Variants in SLCO1A2 observed in about 807,000 individuals in gnomAD.
SLCO1A2 encodes OATP-1.
Under a neutral mutation model 69.0 loss-of-function variants are expected in SLCO1A2, and 67 were observed. That is an observed-to-expected ratio of 0.97 (90% CI 0.80 to 1.19). The LOEUF is 1.19. SLCO1A2 is among the 50% of genes most tolerant of loss of function. SLCO1A2 has a pLI of 0.00. For missense variants in SLCO1A2, 787 were observed against 793.7 expected (o/e 0.99, Z 0.10); for synonymous variants, 260 against 265.9 (o/e 0.98, Z 0.22).
Position 21,410,369 on chromosome 12 carries a change from T to C in SLCO1A2, c.-312+7513A>G, listed in dbSNP as rs538928181. 3.3e-5 allele frequency among the ~76,000 whole-genome samples: 5 copies of C among 152,328 alleles called. No homozygotes were observed. The South Asian group carries it at 8.3e-4, about 25-fold the overall frequency. ...TTTATATATAGAGAGATCGAGGCTA[T>C]ATATAACTTGAGGGAACATTTTTCT... is the stretch of plus-strand genomic sequence containing the variant. On this transcript the variant is annotated intron_variant, in intron 1 of 4. Coordinates refer to the SLCO1A2 transcript ENST00000413682.
At position 21,361,274 on chromosome 12, in the gene SLCO1A2, G is replaced by A. The variant is rs184569621; in HGVS notation, c.-63+13125C>T. 3.5e-3 allele frequency among the ~76,000 whole-genome samples: 526 copies of A among 152,272 alleles called. 4 individuals carry two copies. Among genetic ancestry groups the A allele is most frequent in the African/African-American group, 0.012 (498 of 41,544 alleles). ...CCGCTGGTGATACCCAGGCAAACAGGGTCTGGAGTGGACCTCCAGCAAACT... is the reference window on the plus strand; with the variant it reads ...CCGCTGGTGATACCCAGGCAAACAGAGTCTGGAGTGGACCTCCAGCAAACT... On this transcript the variant is annotated intron_variant, in intron 2 of 15. Coordinates refer to the SLCO1A2 transcript ENST00000307378.
Position 21,269,470 on chromosome 12 carries a change from A to G in SLCO1A2, c.*78T>C. ...TAAAGACAAGAAAAAGTTATCTATTATATCTCTACTGATTTTTAAAACAAT... is the reference window on the plus strand; with the variant it reads ...TAAAGACAAGAAAAAGTTATCTATTGTATCTCTACTGATTTTTAAAACAAT... On this transcript the variant is annotated 3_prime_UTR_variant, in exon 15 of 15. Coordinates refer to ENST00000683939, the MANE Select transcript of SLCO1A2 (RefSeq NM_001386879.1). 9.4e-7 allele frequency: 1 copy of G among 1,060,362 alleles called. No homozygotes were observed. Among genetic ancestry groups the G allele is most frequent in the African/African-American group, 1.6e-5 (1 of 62,094 alleles). The allele number at this position is 1,060,362 out of a possible 1,614,324, so 65.7% of individuals were successfully genotyped here.
chr12:21,415,700 A>T (rs1043142838), intron 1 of SLCO1A2, among the ~76,000 whole-genome samples: 1 of 151,810 alleles, frequency 6.6e-6, no homozygotes, highest in Admixed American at 6.6e-5. Flanking sequence ...GGAAGTTTTT[A>T]TATTTTTTCT....
intron 12 of SLCO1A2, among the ~76,000 whole-genome samples, chr12:21,288,795 C>A (rs1330864071): frequency 6.6e-6 from 1 of 151,576 alleles, no homozygotes; most frequent in Non-Finnish European, 1.5e-5. Flanking sequence ...TATACACCTA[C>A]TATATACCCA....
At chr12:21,362,839 A>G (rs1421250685) in intron 2 of SLCO1A2, among the ~76,000 whole-genome samples, 1 of 152,238 alleles carries the variant, frequency 6.6e-6, no homozygotes, top group Non-Finnish European at 1.5e-5. Context: ...CAACAAGAAG[A>G]GCTAACTATC....
At chr12:21,361,747 T>G (rs949863270) in intron 2 of SLCO1A2, among the ~76,000 whole-genome samples, 8 of 152,134 alleles carry the variant, frequency 5.3e-5, no homozygotes, top group African/African-American at 1.9e-4. Flanking sequence ...ACGTGACGCA[T>G]GTACAAGCTT....
upstream of SLCO1A2, among the ~76,000 whole-genome samples, chr12:21,397,286 A>G (rs958409947): frequency 1.3e-5 from 2 of 151,852 alleles, no homozygotes; most frequent in African/African-American, 2.4e-5. Context: ...AGGCCATTAC[A>G]TAATGGTAAA....
intron 2 of SLCO1A2, among the ~76,000 whole-genome samples, chr12:21,369,551 C>T (rs1177565336): frequency 6.6e-6 from 1 of 152,182 alleles, no homozygotes; most frequent in Non-Finnish European, 1.5e-5. Flanking sequence ...ATGATAACCA[C>T]CGTAGAGGTG....
chr12:21,375,136 G>A (rs1362614731), intron 1 of SLCO1A2, among the ~76,000 whole-genome samples: 1 of 152,036 alleles, frequency 6.6e-6, no homozygotes, highest in African/African-American at 2.4e-5. Context: ...TTTTATAGAT[G>A]TTTGTTTATT....
In SLCO1A2 at chr12:21,306,937, A is replaced by C; in HGVS notation, c.387T>G (p.Ser129Arg). The change falls in exon 5 of 15, where the codon AGT becomes AGG. Residue 129 changes from serine to arginine, a missense_variant. Coordinates refer to ENST00000683939, the MANE Select transcript of SLCO1A2 (RefSeq NM_001386879.1). ...VSVSGNLSSN[S>R]FLCMENGTQI... Reference sequence around the variant, plus strand: ...GGGTTCCATTTTCCATACACAAGAAACTGTTTGAGGACAAGTTGCCTGAAA... The same window carrying C: ...GGGTTCCATTTTCCATACACAAGAACCTGTTTGAGGACAAGTTGCCTGAAA... 6.2e-7 allele frequency: 1 copy of C among 1,613,922 alleles called. No individual in the cohort carries two copies. The highest frequency in any genetic ancestry group is 8.5e-7 in the Non-Finnish European group (1 of 1,179,880).
rs537044548 is a variant in SLCO1A2, at chr12:21,279,898, AC to A, written c.1611-4475del. Among the ~76,000 whole-genome samples, 366 of 152,330 alleles carry A rather than the reference AC, an allele frequency of 2.4e-3. 2 individuals carry two copies. Among genetic ancestry groups the A allele is most frequent in the African/African-American group, 8.4e-3 (349 of 41,582 alleles). The stretch of plus-strand genomic sequence containing the variant: ...ATATTAACAACTTTTCAAGACACAG[AC>A]AGTAAAATAAAATGGAAATAGAAAT... On this transcript the variant is annotated intron_variant, in intron 12 of 14. Transcript: ENST00000683939.
upstream of SLCO1A2, among the ~76,000 whole-genome samples, chr12:21,337,573 C>G (rs1010327138): frequency 6.6e-6 from 1 of 151,850 alleles, no homozygotes. Flanking sequence ...ATGAAAATCA[C>G]TTATTTCCAG....
rs1313605634 is a variant in SLCO1A2 at position 21,301,252 on chromosome 12, C to T, written c.607G>A (p.Ala203Thr). The T allele has an allele frequency of 5.0e-6, 8 of 1,611,150 alleles. No individual in the cohort carries two copies. The highest frequency in any genetic ancestry group is 5.9e-6 in the Non-Finnish European group (7 of 1,178,528). Residue 203 changes from alanine to threonine, a missense_variant, in exon 7 of 15, where the codon GCT (alanine) becomes ACT (threonine). Physicochemically the swap from Ala to Thr is moderately conservative, Grantham distance 58. Transcript: ENST00000683939. ...PLYIGLVETG[A>T]IIGPLIGLLL... is the part of the protein sequence containing the mutation. ...AGTCCAATCAAAGGACCAATAATAG[C>T]TCCTGTTTCTACAAGCCCTAAAAAT... is the stretch of plus-strand genomic sequence containing the variant.
intron 2 of SLCO1A2, among the ~76,000 whole-genome samples, chr12:21,353,796 A>T (rs1938149647): frequency 2.0e-5 from 3 of 152,228 alleles, no homozygotes. Flanking sequence ...GCTAATGGCT[A>T]TTCTCAAGTG....
chr12:21,394,222 T>C (rs576848995), intron 1 of SLCO1A2, among the ~76,000 whole-genome samples: 1 of 152,304 alleles, frequency 6.6e-6, no homozygotes, highest in East Asian at 1.9e-4. Context: ...TCTGGTCAGC[T>C]TGCCTTAGTG....
chr12:21,379,039 C>T (rs914182974), intron 1 of SLCO1A2: 1 of 152,276 alleles, frequency 6.6e-6, no homozygotes, highest in African/African-American at 2.4e-5. Flanking sequence ...TGCACCACTG[C>T]ACTCCAGCCT....
chr12:21,418,883 G>A (rs1349990795), upstream of SLCO1A2, among the ~76,000 whole-genome samples: 1 of 152,004 alleles, frequency 6.6e-6, no homozygotes, highest in South Asian at 2.1e-4. Context: ...TTTTTGTATG[G>A]CCTGTGAACT....
intron 1 of SLCO1A2, among the ~76,000 whole-genome samples, chr12:21,415,659 C>G (rs1941977423): frequency 6.6e-6 from 1 of 151,878 alleles, no homozygotes; most frequent in South Asian, 2.1e-4. Flanking sequence ...ATTTTCTTAT[C>G]CTTTTGCATG....
chr12:21,280,955 C>T (rs1328088173), intron 12 of SLCO1A2, among the ~76,000 whole-genome samples: 1 of 152,052 alleles, frequency 6.6e-6, no homozygotes, highest in Non-Finnish European at 1.5e-5. Context: ...GAAAACTATA[C>T]AAACACGTGG....
Sources: gnomAD v4.1 joint callset for allele counts (sites outside exome capture counted in the v4.1 genomes callset) on GRCh38, gnomAD v4.1.1 for gene constraint, MANE v1.5 for transcripts, NCBI Gene and HGNC (gene_info 2026-07-23, HGNC 2026-07-21) for gene names.